RANGAP1: variants seen among roughly 807,000 people sequenced by gnomAD.
RANGAP1 encodes ran GTPase-activating protein 1.
In RANGAP1, 38 loss-of-function variants were observed where a neutral mutation model predicts 63.5. The observed-to-expected ratio is 0.60, with a 90% confidence interval of 0.46 to 0.78. The LOEUF is 0.78. RANGAP1 is among the 30% of genes least tolerant of loss of function. RANGAP1 has a pLI of 0.00. For missense variants in RANGAP1, 630 were observed against 740.3 expected (o/e 0.85, Z 1.73); for synonymous variants, 329 against 310.5 (o/e 1.06, Z -0.63).
intron 15 of RANGAP1, among the ~76,000 whole-genome samples, chr22:41,248,714 C>T (rs965690086): frequency 6.6e-6 from 1 of 151,972 alleles, no homozygotes; most frequent in African/African-American, 2.4e-5. Context: ...GCAAGCCTCC[C>T]GACCCCTCCC....
At chr22:41,299,086 G>T in the RANGAP1 span, among the ~76,000 whole-genome samples, 2 of 151,906 alleles carry the variant, frequency 1.3e-5, no homozygotes, top group African/African-American at 4.8e-5. Context: ...ATCTCCCAAA[G>T]GCCCCACCTC....
intron 6 of RANGAP1, among the ~76,000 whole-genome samples, chr22:41,258,392 T>C (rs1227446402): frequency 5.3e-5 from 8 of 152,228 alleles, no homozygotes; most frequent in Non-Finnish European, 1.0e-4. Context: ...GTCGATTTCT[T>C]GTTCTCAGTC....
Position 41,250,837 on chromosome 22 carries a change from C to G in RANGAP1, c.1483+170G>C, listed in dbSNP as rs112591969. 5.3e-4 allele frequency among the ~76,000 whole-genome samples: 80 copies of G among 152,268 alleles called. 1 individual carries two copies. Among genetic ancestry groups the G allele is most frequent in the Middle Eastern group, 6.8e-3 (2 of 294 alleles). ...CAGTGGTGAAAAACAGGGAGAAGAG[C>G]AGCCAGCTGGCTCCACGGCAGGACC... On this transcript the variant is annotated intron_variant, in intron 13 of 15. Coordinates refer to ENST00000356244, the MANE Select transcript of RANGAP1 (RefSeq NM_002883.4).
At chr22:41,271,224 TAAA>T (rs746864052) in intron 3 of RANGAP1, among the ~76,000 whole-genome samples, 2 of 133,550 alleles carry the variant, frequency 1.5e-5, no homozygotes, top group Non-Finnish European at 3.2e-5. Flanking sequence ...ACCCCATCAT[TAAA>T]AAAAAAAAAA....
At chr22:41,294,069 C>T in the RANGAP1 span, among the ~76,000 whole-genome samples, 2 of 152,198 alleles carry the variant, frequency 1.3e-5, no homozygotes, top group African/African-American at 2.4e-5. Flanking sequence ...GTCTCCCTCT[C>T]CCTCTCTTTC....
At position 41,249,824 on chromosome 22, in the gene RANGAP1, G is replaced by A. The variant is rs370318221; in HGVS notation, c.1484-7C>T. Reference sequence around the variant, plus strand: ...GCCTTCTGCATCAGGGCATCTGTAGGGCAGAAGCAGCAGGGGCAGGCTGCT... The same window carrying A: ...GCCTTCTGCATCAGGGCATCTGTAGAGCAGAAGCAGCAGGGGCAGGCTGCT... On this transcript the variant is annotated splice_region_variant and splice_polypyrimidine_tract_variant and intron_variant, in intron 13 of 15. Transcript: ENST00000356244. The A allele has an allele frequency of 3.1e-6, 5 of 1,611,376 alleles. No individual in the cohort carries two copies. Among genetic ancestry groups the A allele is most frequent in the Non-Finnish European group, 3.4e-6 (4 of 1,177,638 alleles).
chr22:41,252,703 C>T (rs1379162997), intron 12 of RANGAP1, among the ~76,000 whole-genome samples, 169 bp downstream of exon 12: 1 of 152,154 alleles, frequency 6.6e-6, no homozygotes, highest in African/African-American at 2.4e-5. Flanking sequence ...CCCCTGGAGG[C>T]TTATAAATAC....
chr22:41,251,898 C>T (rs2145688785), intron 12 of RANGAP1, among the ~76,000 whole-genome samples: 1 of 152,330 alleles, frequency 6.6e-6, no homozygotes, highest in South Asian at 2.1e-4. Flanking sequence ...GAAAGGCTTA[C>T]AACATCTGAT....
chr22:41,251,237 C>T, intron 12 of RANGAP1, 128 bp from the exon 13 acceptor site: 1 of 641,576 alleles, frequency 1.6e-6, no homozygotes, highest in Non-Finnish European at 2.7e-6. Flanking sequence ...CCTGCCTTAC[C>T]CCATGCTGTC....
At chr22:41,288,920 A>T (rs1415619140), upstream of RANGAP1, among the ~76,000 whole-genome samples, 98 of 111,104 alleles carry the variant, frequency 8.8e-4, no homozygotes, top group South Asian at 1.5e-3. Flanking sequence ...CTATATCCTG[A>T]TTTTTTTTTT....
chr22:41,251,678 A>G (rs1275624172), intron 12 of RANGAP1, among the ~76,000 whole-genome samples: 6 of 152,130 alleles, frequency 3.9e-5, no homozygotes, highest in Non-Finnish European at 8.8e-5. Flanking sequence ...CCATCTTGTA[A>G]TTGAACTTGA....
At position 41,249,774 on chromosome 22, in the gene RANGAP1, G is replaced by A. The variant is rs557735158; in HGVS notation, c.1527C>T (p.Ser509=). 9.9e-6 allele frequency: 16 copies of A among 1,614,050 alleles called. No individual in the cohort carries two copies. The highest frequency in any genetic ancestry group is 8.0e-5 in the African/African-American group (6 of 75,068). The part of the protein sequence containing the change: ...QKAFNSSSFN[S]NTFLTRLLVH... ...CGAGCAGCCTGGTGAGGAAGGTGTT[G>A]GAGTTGAAGGACGAGGAGTTGAAAG... Residue 509 remains serine (S), a synonymous_variant, in exon 14 of 16, where the codon TCC becomes TCT. Coordinates refer to ENST00000356244, the MANE Select transcript of RANGAP1 (RefSeq NM_002883.4).
chr22:41,273,766 C>CAAAAAAAAAAAAAAA lies in RANGAP1; in HGVS notation c.240+819_240+833dup, dbSNP rs71200678. Among the ~76,000 whole-genome samples, 87 of 24,356 alleles carry CAAAAAAAAAAAAAAA rather than the reference C, an allele frequency of 3.6e-3. 21 individuals are homozygous for CAAAAAAAAAAAAAAA. The highest frequency in any genetic ancestry group is 4.6e-3 in the Non-Finnish European group (65 of 14,164). The allele number at this position is 24,356 out of a possible 152,430, so 16.0% of individuals were successfully genotyped here. On this transcript the variant is annotated intron_variant, in intron 3 of 15. Transcript: ENST00000356244. The stretch of plus-strand genomic sequence containing the variant: ...CGGGTGACAGTGTGAGACTCCATCT[C>CAAAAAAAAAAAAAAA]AAAAAAAAAAAAAAAAAAAAAAAAA...
chr22:41,299,791 G>A, the RANGAP1 span, among the ~76,000 whole-genome samples: 7 of 150,500 alleles, frequency 4.7e-5, no homozygotes, highest in East Asian at 3.9e-4. Flanking sequence ...TCACTCTGTC[G>A]CCCAGGCTGG....
intron 1 of RANGAP1, among the ~76,000 whole-genome samples, chr22:41,282,872 G>A (rs976291028): frequency 6.6e-6 from 1 of 152,160 alleles, no homozygotes; most frequent in Non-Finnish European, 1.5e-5. Flanking sequence ...AATCAGGAGA[G>A]ACCAAGGAAG....
At chr22:41,292,973 C>G in the RANGAP1 span, among the ~76,000 whole-genome samples, 1 of 150,722 alleles carries the variant, frequency 6.6e-6, no homozygotes, top group Non-Finnish European at 1.5e-5. Context: ...CGGTGGCTCA[C>G]GCCTGTAATC....
At chr22:41,277,345 T>A (rs1044390280) in intron 2 of RANGAP1, 18 of 541,112 alleles carry the variant, frequency 3.3e-5, no homozygotes, top group African/African-American at 2.6e-4. Context: ...CCCAAACTGC[T>A]GGGATTACAG....
intron 11 of RANGAP1, 71 bp downstream of exon 11, chr22:41,254,237 T>C (rs73430533): frequency 1.0e-5 from 16 of 1,565,900 alleles, no homozygotes; most frequent in African/African-American, 2.7e-5. Flanking sequence ...CCCTACCCCA[T>C]TGTGAAAGTG....
intron 3 of RANGAP1, among the ~76,000 whole-genome samples, chr22:41,271,311 C>G (rs1332196419): frequency 6.7e-6 from 1 of 148,538 alleles, no homozygotes; most frequent in Non-Finnish European, 1.5e-5. Flanking sequence ...TCACTTGAGC[C>G]TGGGAGTGCA....
Sources: gnomAD v4.1 joint callset for allele counts (sites outside exome capture counted in the v4.1 genomes callset) on GRCh38, gnomAD v4.1.1 for gene constraint, MANE v1.5 for transcripts, NCBI Gene and HGNC (gene_info 2026-07-23, HGNC 2026-07-21) for gene names.